KATNAL2: variants seen among roughly 807,000 people sequenced by gnomAD.
KATNAL2 encodes the protein katanin p60 ATPase-containing subunit A-like 2.
KATNAL2 carries 52 observed loss-of-function variants against 76.3 expected under a neutral mutation model. The ratio of observed to expected loss-of-function variants is 0.68; its 90% CI spans 0.55 to 0.86. The LOEUF (loss-of-function observed/expected upper bound fraction) is 0.86, where lower values mean the gene tolerates loss of function less well. KATNAL2 is among the 40% of genes least tolerant of loss of function. KATNAL2 has a pLI of 0.00. For missense variants in KATNAL2, 660 were observed against 668.9 expected, an observed-to-expected ratio of 0.99 and a Z score of 0.15; for synonymous variants, 243 against 244.2, an observed-to-expected ratio of 1.00 and a Z score of 0.05.
intron 5 of KATNAL2, among the ~76,000 whole-genome samples, chr18:47,054,182 C>T (rs78651798): frequency 0.01 from 1,535 of 152,312 alleles, 17 homozygotes; most frequent in East Asian, 0.037. Context: ...TTGCAATCTT[C>T]CTCTGTGAGG....
intron 3 of KATNAL2, among the ~76,000 whole-genome samples, chr18:46,961,908 G>T (rs907444684): frequency 8.5e-5 from 13 of 152,170 alleles, no homozygotes; most frequent in Non-Finnish European, 1.6e-4. Context: ...GTAGATGGGG[G>T]TTTGCTACTA....
chr18:46,925,828 G>C (rs1158145076), intron 1 of KATNAL2, among the ~76,000 whole-genome samples: 1 of 152,010 alleles, frequency 6.6e-6, no homozygotes, highest in Admixed American at 6.6e-5. Context: ...TGTATGTGTC[G>C]AGGAATTTAT....
At chr18:47,060,435 TGATA>T (rs1021428380) in intron 8 of KATNAL2, among the ~76,000 whole-genome samples, 1 of 152,180 alleles carries the variant, frequency 6.6e-6, no homozygotes, top group African/African-American at 2.4e-5. Context: ...ATTTTGTCCT[TGATA>T]GATATTTTTA....
At chr18:46,961,749 A>T (rs2059967252) in intron 3 of KATNAL2, among the ~76,000 whole-genome samples, 1 of 152,202 alleles carries the variant, frequency 6.6e-6, no homozygotes, top group Non-Finnish European at 1.5e-5. Context: ...CCTGATATTC[A>T]GGTGAGAGAA....
chr18:46,931,095 G>A (rs112442016), intron 1 of KATNAL2, among the ~76,000 whole-genome samples: 6,756 of 115,966 alleles, frequency 0.058, 186 homozygotes, highest in Non-Finnish European at 0.079. Flanking sequence ...GTGAGACTCC[G>A]TCTCAGGAAA....
intron 1 of KATNAL2, chr18:46,919,989 C>G: frequency 9.6e-7 from 1 of 1,044,304 alleles, no homozygotes; most frequent in South Asian, 1.3e-5. Flanking sequence ...GAGGAGCTTA[C>G]ACCCATAAAG....
At chr18:46,938,570 A>G (rs534706636) in intron 1 of KATNAL2, among the ~76,000 whole-genome samples, 54 of 152,322 alleles carry the variant, frequency 3.5e-4, no homozygotes, top group African/African-American at 1.2e-3. Context: ...TCGTTCTTCA[A>G]TACTTCCACT....
At chr18:46,924,252 A>G (rs1369346329) in intron 1 of KATNAL2, among the ~76,000 whole-genome samples, 1 of 152,192 alleles carries the variant, frequency 6.6e-6, no homozygotes. Context: ...TTATTTTTGT[A>G]TAAGGTGTAA....
intron 14 of KATNAL2, among the ~76,000 whole-genome samples, chr18:47,077,055 G>T (rs2062269538): frequency 6.6e-6 from 1 of 151,990 alleles, no homozygotes; most frequent in Non-Finnish European, 1.5e-5. Flanking sequence ...GACACAGTTG[G>T]GCTGCATTTA....
chr18:47,070,876 G>A (rs940841416), intron 13 of KATNAL2, among the ~76,000 whole-genome samples: 12 of 152,166 alleles, frequency 7.9e-5, no homozygotes, highest in African/African-American at 2.9e-4. Context: ...CTATTTCTTT[G>A]TTCTTCATCT....
chr18:47,069,470 G>A lies in KATNAL2; in HGVS notation c.890-12G>A, dbSNP rs1569109996. On this transcript the variant is annotated splice_polypyrimidine_tract_variant and intron_variant, in intron 12 of 17. Coordinates refer to ENST00000683218, the MANE Select transcript of KATNAL2 (RefSeq NM_001387690.1). Reference sequence around the variant, plus strand: ...TGAAATGCCTGCTCATCTTTTATGTGTTTCTCTTTAGGTACAGGAAAGACT... The same window carrying A: ...TGAAATGCCTGCTCATCTTTTATGTATTTCTCTTTAGGTACAGGAAAGACT... 1.9e-6 allele frequency: 3 copies of A among 1,587,858 alleles called. No individual in the cohort carries two copies. Among genetic ancestry groups the A allele is most frequent in the Non-Finnish European group, 1.7e-6 (2 of 1,160,906 alleles).
At chr18:46,930,693 T>C (rs1050692747) in intron 1 of KATNAL2, among the ~76,000 whole-genome samples, 15 of 151,422 alleles carry the variant, frequency 9.9e-5, no homozygotes, top group African/African-American at 3.6e-4. Context: ...CAGGCACCTG[T>C]AATTCCAGCT....
intron 3 of KATNAL2, among the ~76,000 whole-genome samples, chr18:46,955,142 CTTTCTT>C (rs1194495589): frequency 1.2e-3 from 64 of 53,656 alleles, no homozygotes; most frequent in South Asian, 0.011. Context: ...TTCTCTCTCT[CTTTCTT>C]TCTTTCTTTC....
At chr18:47,075,413 T>G in intron 14 of KATNAL2, 45 bp downstream of exon 14, 1 of 1,355,770 alleles carries the variant, frequency 7.4e-7, no homozygotes, top group Non-Finnish European at 9.7e-7. Flanking sequence ...TTTTTTGTCA[T>G]GGCTTCTCCC....
intron 1 of KATNAL2, among the ~76,000 whole-genome samples, chr18:46,945,684 G>A (rs1427826677): frequency 1.3e-5 from 2 of 152,206 alleles, no homozygotes; most frequent in East Asian, 1.9e-4. Context: ...GCAAATTGGG[G>A]CATTAATAAC....
intron 15 of KATNAL2, among the ~76,000 whole-genome samples, chr18:47,097,763 T>G (rs1293202795): frequency 6.6e-6 from 1 of 152,202 alleles, no homozygotes; most frequent in Non-Finnish European, 1.5e-5. Context: ...CAGGGGTACA[T>G]GTGCAGGTTT....
Position 47,099,288 on chromosome 18 carries a change from G to A in KATNAL2, c.1257G>A (p.Leu419=). The part of the protein sequence containing the change: ...AMLRRLEKRI[L]VDLPSREARQ... Reference sequence around the variant, plus strand: ...TACGCCGCCTGGAGAAGAGGATTCTGGTCGATCTCCCCAGCCGGGAGGCCA... The same window carrying A: ...TACGCCGCCTGGAGAAGAGGATTCTAGTCGATCTCCCCAGCCGGGAGGCCA... The change falls in exon 16 of 18, where the codon CTG becomes CTA. Residue 419 remains leucine, a synonymous_variant. Transcript: ENST00000683218. 6.2e-7 allele frequency: 1 copy of A among 1,614,116 alleles called. No homozygotes were observed. Among genetic ancestry groups the A allele is most frequent in the South Asian group, 1.1e-5 (1 of 91,076 alleles).
intron 1 of KATNAL2, among the ~76,000 whole-genome samples, chr18:46,937,295 A>C (rs2059122422): frequency 6.6e-6 from 1 of 152,196 alleles, no homozygotes; most frequent in South Asian, 2.1e-4. Flanking sequence ...TAAAAATATA[A>C]AGGTCATCAA....
At chr18:47,063,434 T>G (rs2061696164) in intron 10 of KATNAL2, 73 bp downstream of exon 10, 1 of 1,109,596 alleles carries the variant, frequency 9.0e-7, no homozygotes, top group African/African-American at 1.6e-5. Flanking sequence ...GGCTGCTTCT[T>G]TTATTAATAA....
Sources: allele counts gnomAD v4.1 joint callset (sites outside exome capture counted in the v4.1 genomes callset), GRCh38; gene constraint gnomAD v4.1.1; transcripts MANE v1.5; gene names NCBI Gene and HGNC (gene_info 2026-07-23, HGNC 2026-07-21).